The following RIN3 variants were observed in gnomAD, a reference collection of about 807,000 sequenced individuals.
The protein encoded by RIN3 is RAB5 interacting protein 3.
A neutral mutation model predicts 76.3 loss-of-function variants in RIN3; 54 were observed. That is an observed-to-expected ratio of 0.71 (90% confidence interval 0.57 to 0.89). RIN3 has a LOEUF of 0.89. Ranked by LOEUF, RIN3 falls within the 40% of genes least tolerant of loss-of-function variation. The probability of loss-of-function intolerance (pLI) is 0.00; values close to 1 mark genes in which losing one functional copy is unlikely to be tolerated. For missense variants in RIN3, 1,256 were observed against 1,322.1 expected (o/e 0.95, Z 0.78); for synonymous variants, 576 against 564.0 (o/e 1.02, Z -0.30).
At position 92,688,083 on chromosome 14, in the gene RIN3, G is replaced by C. The variant is rs753724464; in HGVS notation, c.2789G>C (p.Arg930Pro). The C allele has an allele frequency of 6.2e-7, 1 of 1,606,142 alleles. No individual in the cohort carries two copies. Among genetic ancestry groups the C allele is most frequent in the Admixed American group, 1.7e-5 (1 of 59,582 alleles). Residue 930 changes from arginine to proline, a missense_variant, in exon 10 of 10, where the codon CGC becomes CCC. Arg to Pro is a moderately radical substitution (Grantham distance 103). Transcript: ENST00000216487. The part of the protein sequence containing the change: ...AHRLFVLVDG[R>P]CFQLADDALP... ...CGGCTGTTCGTGCTGGTGGACGGGC[G>C]CTGCTTCCAGCTGGCGGACGACGCG...
intron 7 of RIN3, among the ~76,000 whole-genome samples, chr14:92,664,024 C>G (rs1257292237): frequency 6.6e-6 from 1 of 152,098 alleles, no homozygotes; most frequent in Non-Finnish European, 1.5e-5. Flanking sequence ...TGTTAGGATA[C>G]AGGAACAGCT....
chr14:92,647,430 C>T (rs754844499), intron 5 of RIN3, among the ~76,000 whole-genome samples: 1 of 152,296 alleles, frequency 6.6e-6, no homozygotes, highest in East Asian at 1.9e-4. Flanking sequence ...AGGGATTACT[C>T]GCAGTGGTTT....
intron 5 of RIN3, among the ~76,000 whole-genome samples, chr14:92,645,764 GACA>G (rs1240207045): frequency 6.6e-6 from 1 of 152,158 alleles, no homozygotes; most frequent in Non-Finnish European, 1.5e-5. Context: ...GATTGGCCTG[GACA>G]ACATGGTGAA....
intron 1 of RIN3, among the ~76,000 whole-genome samples, chr14:92,544,412 T>C (rs1320173200): frequency 0.025 from 31 of 1,232 alleles, 1 homozygote; most frequent in East Asian, 0.23. Context: ...TTGTGACAGC[T>C]GTGGGGGGGG....
intron 1 of RIN3, among the ~76,000 whole-genome samples, chr14:92,518,879 T>A (rs1896520373): frequency 6.6e-6 from 1 of 151,646 alleles, no homozygotes; most frequent in Non-Finnish European, 1.5e-5. Context: ...GGCAGAACTG[T>A]CCTTTGCTGG....
rs1888644229 is a variant in RIN3, at chr14:92,681,038, GC to G, written c.2468-3946del. 1.3e-5 allele frequency among the ~76,000 whole-genome samples: 2 copies of G among 152,178 alleles called. No homozygotes were observed. The highest frequency in any genetic ancestry group is 2.1e-4 in the South Asian group (1 of 4,830). ...GCTGCTGGGCACCTTGCTGGAGCCAGCCCAGAATCTTAACCTCTGCTAAAAT... is the reference window on the plus strand; with the variant it reads ...GCTGCTGGGCACCTTGCTGGAGCCAGCCAGAATCTTAACCTCTGCTAAAAT... On this transcript the variant is annotated intron_variant, in intron 8 of 9. Transcript: ENST00000216487. The surrounding 1 kb of genome is among the most constrained non-coding windows in gnomAD (Gnocchi z 4.7).
intron 8 of RIN3, among the ~76,000 whole-genome samples, chr14:92,677,445 C>G (rs533891839): frequency 6.6e-6 from 1 of 152,342 alleles, no homozygotes; most frequent in Middle Eastern, 3.4e-3. Context: ...TTGAGATGAG[C>G]AGACCCTCTT....
chr14:92,603,334 T>G (rs1368523578), intron 3 of RIN3, among the ~76,000 whole-genome samples: 3 of 152,190 alleles, frequency 2.0e-5, no homozygotes, highest in Non-Finnish European at 2.9e-5. Context: ...GAACCCTAAC[T>G]CACCCTTTGC....
intron 5 of RIN3, 67 bp downstream of exon 5, chr14:92,641,396 C>G: frequency 1.7e-6 from 2 of 1,209,150 alleles, no homozygotes; most frequent in South Asian, 2.5e-5. Context: ...AGGACTGCCC[C>G]AGGGGCCGCC....
intron 4 of RIN3, among the ~76,000 whole-genome samples, chr14:92,639,727 A>T (rs1195178165): frequency 6.6e-6 from 1 of 152,212 alleles, no homozygotes; most frequent in Non-Finnish European, 1.5e-5. Context: ...CATTAGTCCG[A>T]ACTCCTTCTG....
At chr14:92,625,504 G>A (rs926620270) in intron 4 of RIN3, among the ~76,000 whole-genome samples, 1 of 152,190 alleles carries the variant, frequency 6.6e-6, no homozygotes, top group Non-Finnish European at 1.5e-5. Flanking sequence ...GCGGGGAGGG[G>A]AATGGCTTCA....
intron 1 of RIN3, among the ~76,000 whole-genome samples, chr14:92,521,137 C>A (rs538731343): frequency 6.6e-6 from 1 of 151,382 alleles, no homozygotes; most frequent in South Asian, 2.1e-4. Flanking sequence ...TACTTATCCA[C>A]CCATCCATCC....
intron 6 of RIN3, among the ~76,000 whole-genome samples, chr14:92,655,499 CT>C (rs1887635480): frequency 6.6e-6 from 1 of 152,276 alleles, no homozygotes; most frequent in Non-Finnish European, 1.5e-5. Flanking sequence ...GTGAGCCTCT[CT>C]ATCAACCTGA....
intron 2 of RIN3, among the ~76,000 whole-genome samples, chr14:92,564,979 C>T (rs1225038710): frequency 1.3e-5 from 2 of 152,166 alleles, no homozygotes; most frequent in African/African-American, 4.8e-5. Context: ...AGGGCCCTAC[C>T]GTGGGCATGA....
intron 4 of RIN3, among the ~76,000 whole-genome samples, chr14:92,617,727 T>C (rs1268028364): frequency 6.6e-6 from 1 of 152,192 alleles, no homozygotes; most frequent in Non-Finnish European, 1.5e-5. Context: ...TCTTTGTTAA[T>C]CCCCTAGCAC....
At chr14:92,585,482 G>T (rs1465929436) in intron 3 of RIN3, among the ~76,000 whole-genome samples, 1 of 152,256 alleles carries the variant, frequency 6.6e-6, no homozygotes, top group African/African-American at 2.4e-5. Flanking sequence ...TAGCACAAGG[G>T]TTCACTACAT....
At chr14:92,592,371 A>G (rs1885007512) in intron 3 of RIN3, among the ~76,000 whole-genome samples, 1 of 149,308 alleles carries the variant, frequency 6.7e-6, no homozygotes, top group Non-Finnish European at 1.5e-5. Context: ...ATTGCACTCC[A>G]GCCTGGGCGA....
Position 92,568,743 on chromosome 14 carries a change from AG to A in RIN3, c.250-8615del, listed in dbSNP as rs941107649. ...CACAGCCTCCAGCCTCCTCTGCCCC[AG>A]GCCAGCGCCTTATCATGGTTTTTAG... On this transcript the variant is annotated intron_variant, in intron 2 of 9. Transcript: ENST00000216487. This position sits in a 1 kb window ranked among gnomAD's most constrained non-coding sequence, Gnocchi z 4.2. Among the ~76,000 whole-genome samples the A allele has an allele frequency of 2.6e-5, 4 of 152,326 alleles. No homozygotes were observed. Among genetic ancestry groups the A allele is most frequent in the African/African-American group, 9.6e-5 (4 of 41,574 alleles).
At chr14:92,537,367 T>C (rs554232843) in intron 1 of RIN3, among the ~76,000 whole-genome samples, 48 of 152,340 alleles carry the variant, frequency 3.2e-4, no homozygotes, top group African/African-American at 1.0e-3. Flanking sequence ...TAGTATTCCA[T>C]TCATTTCCCT....
Sources: allele counts gnomAD v4.1 joint callset (sites outside exome capture counted in the v4.1 genomes callset), GRCh38; gene constraint gnomAD v4.1.1; non-coding constraint Gnocchi (gnomAD v3.1); transcripts MANE v1.5; gene names NCBI Gene and HGNC (gene_info 2026-07-23, HGNC 2026-07-21).